Variants in DNASE1L3 observed in about 807,000 individuals in gnomAD.
The protein encoded by DNASE1L3 is deoxyribonuclease 1L3.
Under a neutral mutation model 30.9 loss-of-function variants are expected in DNASE1L3, and 27 were observed. The ratio of observed to expected loss-of-function variants is 0.87; its 90% CI spans 0.64 to 1.20. The LOEUF (loss-of-function observed/expected upper bound fraction) is 1.20. Among genes scored for constraint, DNASE1L3 ranks in the 50% most tolerant of loss-of-function variants. The pLI is 0.00. For synonymous variants in DNASE1L3, 135 were observed against 138.0 expected, an observed-to-expected ratio of 0.98 and a Z score of 0.15; for missense variants, 364 against 378.2, an observed-to-expected ratio of 0.96 and a Z score of 0.31.
At chr3:58,206,454 C>T (rs1254660109) in intron 2 of DNASE1L3, among the ~76,000 whole-genome samples, 1 of 152,204 alleles carries the variant, frequency 6.6e-6, no homozygotes, top group Non-Finnish European at 1.5e-5. Context: ...TTCTGCCGGG[C>T]TTCCACTTTG....
intron 2 of DNASE1L3, among the ~76,000 whole-genome samples, chr3:58,207,455 C>A (rs1421390305): frequency 1.3e-4 from 6 of 47,920 alleles, no homozygotes; most frequent in Non-Finnish European, 1.7e-4. Context: ...CCCCCCCCCC[C>A]ACCAGAAGTA....
intron 1 of DNASE1L3, among the ~76,000 whole-genome samples, chr3:58,208,809 GC>G (rs1460077446): frequency 1.3e-5 from 2 of 152,114 alleles, no homozygotes; most frequent in Admixed American, 6.6e-5. Context: ...ATGCTTATTA[GC>G]CCATTAAACA....
At chr3:58,194,568 C>G (rs1171322085) in intron 6 of DNASE1L3, among the ~76,000 whole-genome samples, 1 of 151,046 alleles carries the variant, frequency 6.6e-6, no homozygotes, top group African/African-American at 2.4e-5. Flanking sequence ...GATCCGCCCA[C>G]CTCAACCTCC....
chr3:58,196,683 G>A (rs1445550961), intron 6 of DNASE1L3, among the ~76,000 whole-genome samples: 1 of 151,962 alleles, frequency 6.6e-6, no homozygotes, highest in Admixed American at 6.6e-5. Context: ...CACCACCTGG[G>A]ACCAGGCTCC....
At chr3:58,209,245 G>A (rs2097406107) in intron 1 of DNASE1L3, among the ~76,000 whole-genome samples, 1 of 152,156 alleles carries the variant, frequency 6.6e-6, no homozygotes, top group Admixed American at 6.5e-5. Flanking sequence ...AGGCAGCCTT[G>A]ACAAGGACTT....
chr3:58,201,236 G>C, intron 4 of DNASE1L3, 127 bp from the exon 5 acceptor site: 1 of 605,548 alleles, frequency 1.7e-6, no homozygotes, highest in South Asian at 3.2e-5. Context: ...CCAGTTCCCA[G>C]AGGGTCCAGC....
intron 6 of DNASE1L3, among the ~76,000 whole-genome samples, chr3:58,196,039 C>T (rs977871373): frequency 2.0e-5 from 3 of 152,098 alleles, no homozygotes; most frequent in African/African-American, 7.2e-5. Flanking sequence ...CACTCATTTG[C>T]CAGGGGAGAA....
chr3:58,204,635 C>G, intron 4 of DNASE1L3, 134 bp downstream of exon 4: 1 of 700,324 alleles, frequency 1.4e-6, no homozygotes, highest in South Asian at 1.9e-5. Context: ...ACTGCATCGT[C>G]TACATTGAAG....
intron 6 of DNASE1L3, among the ~76,000 whole-genome samples, chr3:58,195,179 G>A (rs2097396512): frequency 6.6e-6 from 1 of 152,226 alleles, no homozygotes; most frequent in African/African-American, 2.4e-5. Flanking sequence ...TGATAAATAT[G>A]TGAACATGGA....
At chr3:58,193,118 C>A in intron 7 of DNASE1L3, 1 of 1,405,326 alleles carries the variant, frequency 7.1e-7, no homozygotes, top group South Asian at 1.7e-5. Context: ...ACTCTGTTGC[C>A]CAGCCTGGAG....
At chr3:58,201,634 T>C (rs1040449842) in intron 4 of DNASE1L3, among the ~76,000 whole-genome samples, 6 of 152,332 alleles carry the variant, frequency 3.9e-5, no homozygotes, top group Middle Eastern at 3.4e-3. Flanking sequence ...CCCTTCCCTA[T>C]TTGGCATAAG....
At chr3:58,196,122 T>C (rs1294675084) in intron 6 of DNASE1L3, among the ~76,000 whole-genome samples, 2 of 152,114 alleles carry the variant, frequency 1.3e-5, no homozygotes, top group Non-Finnish European at 2.9e-5. Flanking sequence ...TGAGTGGCCA[T>C]CGTCCAGGCT....
At position 58,196,763 on chromosome 3, in the gene DNASE1L3, C is replaced by T. The variant is rs560093210; in HGVS notation, c.704+1058G>A. ...CATTCACACGCCTCAGGCACTCCCC[C>T]CTCTGTCCCCATTGAAGGAGCAAAG... is the stretch of plus-strand genomic sequence containing the variant. On this transcript the variant is annotated intron_variant, in intron 6 of 7. Coordinates refer to ENST00000394549, the MANE Select transcript of DNASE1L3 (RefSeq NM_004944.4). Among the ~76,000 whole-genome samples, 7 of 152,220 alleles carry T rather than the reference C, an allele frequency of 4.6e-5. No homozygotes were observed. In the South Asian group the frequency reaches 6.2e-4, roughly 14 times the overall value.
chr3:58,205,559 T>C lies in DNASE1L3; in HGVS notation c.232A>G (p.Asn78Asp), dbSNP rs1285675391. The C allele has an allele frequency of 6.2e-7, 1 of 1,613,086 alleles. No homozygotes were observed. Among genetic ancestry groups the C allele is most frequent in the Non-Finnish European group, 8.5e-7 (1 of 1,179,186 alleles). Residue 78 changes from asparagine (N) to aspartate (D), a missense_variant and splice_region_variant, in exon 3 of 8, where the codon AAT (asparagine) becomes GAT (aspartate). Transcript: ENST00000394549. The stretch of plus-strand genomic sequence containing the variant: ...TTGTACGTTATGCCTCTCCTTGAAT[T>C]TCTAGAAAACAAAGATTTAACACTG... ...CPILMEKLNR[N>D]SRRGITYNYV...
intron 6 of DNASE1L3, among the ~76,000 whole-genome samples, chr3:58,196,291 T>A (rs1032245600): frequency 2.6e-5 from 4 of 151,322 alleles, no homozygotes; most frequent in African/African-American, 4.9e-5. Context: ...ACGCCTGTAA[T>A]CCCAGCACTT....
intron 2 of DNASE1L3, among the ~76,000 whole-genome samples, chr3:58,207,451 C>G (rs1194556478): frequency 6.2e-5 from 4 of 64,100 alleles, no homozygotes; most frequent in Admixed American, 4.3e-4. Context: ...ACCCCCCCCC[C>G]CCCCACCAGA....
intron 6 of DNASE1L3, among the ~76,000 whole-genome samples, chr3:58,196,326 CGA>C: frequency 6.6e-6 from 1 of 151,054 alleles, no homozygotes; most frequent in Non-Finnish European, 1.5e-5. Context: ...GGGCGGATCA[CGA>C]GGTCAAGAAA....
At chr3:58,205,745 G>A (rs769032616) in intron 2 of DNASE1L3, among the ~76,000 whole-genome samples, 185 bp from the exon 3 acceptor site, 2 of 152,208 alleles carry the variant, frequency 1.3e-5, no homozygotes, top group African/African-American at 2.4e-5. Context: ...CATCTGCCAC[G>A]ATCTTTACAG....
At chr3:58,208,018 C>T (rs1157649010) in intron 2 of DNASE1L3, 200 bp downstream of exon 2, 1 of 498,654 alleles carries the variant, frequency 2.0e-6, no homozygotes. Context: ...TCTATTTCCC[C>T]TATTCTATTT....
Sources: gnomAD v4.1 joint callset for allele counts (sites outside exome capture counted in the v4.1 genomes callset) on GRCh38, gnomAD v4.1.1 for gene constraint, MANE v1.5 for transcripts, NCBI Gene and HGNC (gene_info 2026-07-23, HGNC 2026-07-21) for gene names.